Variants in LRRTM4 observed in about 807,000 individuals in gnomAD.
LRRTM4 encodes leucine-rich repeat transmembrane neuronal protein 4.
In LRRTM4, 25 loss-of-function variants were observed where a neutral mutation model predicts 47.6. The ratio of observed to expected loss-of-function variants is 0.53; its 90% CI spans 0.38 to 0.73. The LOEUF is 0.73. Among genes scored for constraint, LRRTM4 ranks in the 30% least tolerant of loss-of-function variants. The pLI is 0.00. For synonymous variants in LRRTM4, 311 were observed against 269.5 expected, an observed-to-expected ratio of 1.15 and a Z score of -1.51; for missense variants, 638 against 713.4, an observed-to-expected ratio of 0.89 and a Z score of 1.20.
chr2:76,870,933 CCTAT>C (rs1226202991), intron 3 of LRRTM4, among the ~76,000 whole-genome samples: 3 of 152,114 alleles, frequency 2.0e-5, no homozygotes, highest in Admixed American at 6.6e-5. Context: ...CTTTAATCAC[CCTAT>C]CTTTGTACTA....
At chr2:77,409,180 G>A (rs1008204935) in intron 3 of LRRTM4, among the ~76,000 whole-genome samples, 3 of 151,800 alleles carry the variant, frequency 2.0e-5, no homozygotes, top group African/African-American at 7.3e-5. Flanking sequence ...ATGTGTAAGA[G>A]TGTCTGATAT....
chr2:77,042,148 T>C (rs927991714), intron 3 of LRRTM4, among the ~76,000 whole-genome samples: 1 of 151,628 alleles, frequency 6.6e-6, no homozygotes, highest in Non-Finnish European at 1.5e-5. Context: ...TATATCACTC[T>C]TAATTTCCCG....
chr2:76,893,910 G>C (rs1673329664), intron 3 of LRRTM4, among the ~76,000 whole-genome samples: 1 of 151,866 alleles, frequency 6.6e-6, no homozygotes, highest in South Asian at 2.1e-4. Context: ...TCAGGAGAAA[G>C]TCACTTTTCA....
intron 3 of LRRTM4, among the ~76,000 whole-genome samples, chr2:76,807,954 T>G (rs1338826160): frequency 1.3e-5 from 2 of 148,292 alleles, no homozygotes; most frequent in African/African-American, 5.2e-5. Context: ...TCTTTCTTTC[T>G]TTTTCTTTTT....
intron 3 of LRRTM4, among the ~76,000 whole-genome samples, chr2:76,986,374 T>G (rs976736652): frequency 6.6e-6 from 1 of 150,786 alleles, no homozygotes; most frequent in Non-Finnish European, 1.5e-5. Context: ...AGAGATTTCT[T>G]TTCAAGATAT....
At chr2:76,950,067 A>G (rs1462442520) in intron 3 of LRRTM4, among the ~76,000 whole-genome samples, 1 of 151,948 alleles carries the variant, frequency 6.6e-6, no homozygotes, top group Non-Finnish European at 1.5e-5. Flanking sequence ...TCAAACAAAG[A>G]GAAATGAATT....
intron 3 of LRRTM4, among the ~76,000 whole-genome samples, chr2:77,239,599 C>T (rs1046977742): frequency 1.3e-5 from 2 of 151,786 alleles, no homozygotes; most frequent in Non-Finnish European, 2.9e-5. Context: ...GAAAAGTATA[C>T]CTCACAAGTA....
chr2:77,249,589 G>T (rs1215769674), intron 3 of LRRTM4, among the ~76,000 whole-genome samples: 2 of 151,948 alleles, frequency 1.3e-5, no homozygotes, highest in East Asian at 3.9e-4. Flanking sequence ...TATGTCATAA[G>T]AAAATGGAAA....
chr2:77,025,695 A>G (rs1196978439), intron 3 of LRRTM4, among the ~76,000 whole-genome samples: 2 of 152,186 alleles, frequency 1.3e-5, no homozygotes, highest in South Asian at 2.1e-4. Context: ...AAAATGTAGA[A>G]TATTTCTGGA....
In LRRTM4 at chr2:76,975,505, G is replaced by A. The variant is rs1046388425; in HGVS notation, c.1552-226589C>T. Among the ~76,000 whole-genome samples, 15 of 151,556 alleles carry A rather than the reference G, an allele frequency of 9.9e-5. No individual in the cohort carries two copies. The South Asian group carries it at 1.0e-3, about 10-fold the overall frequency. On this transcript the variant is annotated intron_variant, in intron 3 of 3. Transcript: ENST00000409884. ...TAAACAACTGTATAGATAATACCAC[G>A]TTCTGGCAAAATATTATCACCTCTA...
intron 3 of LRRTM4, among the ~76,000 whole-genome samples, chr2:77,293,620 C>T (rs1359760747): frequency 6.6e-6 from 1 of 152,092 alleles, no homozygotes; most frequent in Non-Finnish European, 1.5e-5. Flanking sequence ...AACGAACATA[C>T]ATATTTTTGT....
chr2:76,821,366 A>C (rs1671049190), intron 3 of LRRTM4, among the ~76,000 whole-genome samples: 1 of 151,736 alleles, frequency 6.6e-6, no homozygotes, highest in Non-Finnish European at 1.5e-5. Context: ...AAAATAGAAG[A>C]AAGATTGAGT....
At chr2:77,163,056 T>C (rs1490546222) in intron 3 of LRRTM4, among the ~76,000 whole-genome samples, 1 of 151,946 alleles carries the variant, frequency 6.6e-6, no homozygotes, top group Non-Finnish European at 1.5e-5. Flanking sequence ...TTGGAACCCA[T>C]CACAAAGAAG....
intron 3 of LRRTM4, among the ~76,000 whole-genome samples, chr2:76,815,791 G>A (rs964877622): frequency 6.6e-6 from 1 of 151,992 alleles, no homozygotes; most frequent in African/African-American, 2.4e-5. Flanking sequence ...GAATGACATG[G>A]AATAATGTAA....
rs565028547 is a variant in LRRTM4, at chr2:77,386,927, A to G, written c.1551+131391T>C. On this transcript the variant is annotated intron_variant, in intron 3 of 3. Transcript: ENST00000409884. ...ATGTAACGAAACACATGTTCTGCAGATGTATCCCAGAACTTAAAAAAAATA... is the reference window on the plus strand; with the variant it reads ...ATGTAACGAAACACATGTTCTGCAGGTGTATCCCAGAACTTAAAAAAAATA... Among the ~76,000 whole-genome samples, 498 of 152,180 alleles carry G rather than the reference A, an allele frequency of 3.3e-3. 4 individuals carry two copies. The highest frequency in any genetic ancestry group is 5.2e-3 in the Non-Finnish European group (352 of 68,018).
chr2:77,306,524 A>G (rs1677277625), intron 3 of LRRTM4, among the ~76,000 whole-genome samples: 1 of 152,222 alleles, frequency 6.6e-6, no homozygotes, highest in African/African-American at 2.4e-5. Context: ...TGCCTCTAGC[A>G]TTCAAATGAT....
intron 3 of LRRTM4, among the ~76,000 whole-genome samples, chr2:76,948,962 T>C (rs1675412132): frequency 6.6e-6 from 1 of 151,904 alleles, no homozygotes; most frequent in South Asian, 2.1e-4. Flanking sequence ...TTGGATCCTA[T>C]AGTGAGTATG....
intron 3 of LRRTM4, among the ~76,000 whole-genome samples, chr2:77,057,621 C>G (rs765116410): frequency 6.6e-6 from 1 of 152,156 alleles, no homozygotes; most frequent in Non-Finnish European, 1.5e-5. Flanking sequence ...GATTTAAAAT[C>G]CCAGCTGCAC....
chr2:77,361,277 C>T (rs1298896864), intron 3 of LRRTM4, among the ~76,000 whole-genome samples: 1 of 151,630 alleles, frequency 6.6e-6, no homozygotes, highest in African/African-American at 2.4e-5. Context: ...AAATTTCCTC[C>T]TTTTGCCACT....
Sources: allele counts gnomAD v4.1 joint callset (sites outside exome capture counted in the v4.1 genomes callset), GRCh38; gene constraint gnomAD v4.1.1; transcripts MANE v1.5; gene names NCBI Gene and HGNC (gene_info 2026-07-23, HGNC 2026-07-21).